SLC8A3: variants seen among roughly 807,000 people sequenced by gnomAD.
SLC8A3 encodes the protein solute carrier family 8 member A3.
A neutral mutation model predicts 65.4 loss-of-function variants in SLC8A3; 37 were observed. The observed-to-expected ratio is 0.57, with a 90% CI of 0.44 to 0.74. The LOEUF (loss-of-function observed/expected upper bound fraction) is 0.74, where lower values mean the gene tolerates loss of function less well. Ranked by LOEUF, SLC8A3 falls within the 30% of genes least tolerant of loss-of-function variation. SLC8A3 has a pLI of 0.00. For synonymous variants in SLC8A3, 461 were observed against 444.5 expected, an observed-to-expected ratio of 1.04 and a Z score of -0.47; for missense variants, 1,112 against 1,172.1, an observed-to-expected ratio of 0.95 and a Z score of 0.75.
At chr14:70,063,818 T>C in intron 2 of SLC8A3, 1 of 1,536,136 alleles carries the variant, frequency 6.5e-7, no homozygotes, top group South Asian at 1.1e-5. Context: ...GACAGGGTAC[T>C]ACACCTTTCT....
At chr14:70,098,426 T>C (rs1892336203) in intron 2 of SLC8A3, among the ~76,000 whole-genome samples, 1 of 152,092 alleles carries the variant, frequency 6.6e-6, no homozygotes, top group African/African-American at 2.4e-5. Flanking sequence ...CTGAGCAAGA[T>C]GCAGATTTAA....
At chr14:70,078,922 C>T (rs567193558) in intron 2 of SLC8A3, among the ~76,000 whole-genome samples, 2 of 152,296 alleles carry the variant, frequency 1.3e-5, no homozygotes, top group East Asian at 1.9e-4. Flanking sequence ...TGAAAGTGGG[C>T]ATCACCTTTA....
At chr14:70,142,508 G>A (rs1452362600) in intron 2 of SLC8A3, among the ~76,000 whole-genome samples, 1 of 152,158 alleles carries the variant, frequency 6.6e-6, no homozygotes, top group Non-Finnish European at 1.5e-5. Context: ...CTGCATTCTT[G>A]GTCCCACTAA....
chr14:70,154,032 G>A (rs1896430660), intron 2 of SLC8A3, among the ~76,000 whole-genome samples: 2 of 152,216 alleles, frequency 1.3e-5, no homozygotes. Context: ...AGTCAAGGAT[G>A]GTGAATCCAG....
chr14:70,173,490 A>T (rs140061278), intron 1 of SLC8A3, among the ~76,000 whole-genome samples: 5 of 152,142 alleles, frequency 3.3e-5, no homozygotes, highest in African/African-American at 1.2e-4. Context: ...TGGCAAATTT[A>T]ATTAAAGTCA....
chr14:70,172,747 T>C (rs181153838), intron 1 of SLC8A3, among the ~76,000 whole-genome samples: 3,523 of 151,274 alleles, frequency 0.023, 118 homozygotes, highest in South Asian at 0.13. Context: ...AGTATACAGA[T>C]GTACAAATAA....
chr14:70,056,232 G>C (rs1888100121), intron 3 of SLC8A3, among the ~76,000 whole-genome samples: 1 of 152,188 alleles, frequency 6.6e-6, no homozygotes, highest in Admixed American at 6.5e-5. Flanking sequence ...CCCTGCCAGA[G>C]TAGCTAACTT....
chr14:70,100,485 A>G (rs1892487108), intron 2 of SLC8A3, among the ~76,000 whole-genome samples: 1 of 152,194 alleles, frequency 6.6e-6, no homozygotes, highest in African/African-American at 2.4e-5. Context: ...TTTAAGATGC[A>G]TTTTTGCAAT....
chr14:70,159,703 G>A (rs1440476539), intron 2 of SLC8A3, among the ~76,000 whole-genome samples: 1 of 152,248 alleles, frequency 6.6e-6, no homozygotes, highest in East Asian at 1.9e-4. Flanking sequence ...AGAGTCCAGA[G>A]AAAGTAAGCT....
intron 1 of SLC8A3, among the ~76,000 whole-genome samples, chr14:70,173,234 G>T (rs1897661874): frequency 6.6e-6 from 1 of 152,204 alleles, no homozygotes; most frequent in Non-Finnish European, 1.5e-5. Context: ...CAAGACAGGA[G>T]CAGGAAGGTC....
chr14:70,128,960 T>C (rs1894654737), intron 2 of SLC8A3, among the ~76,000 whole-genome samples: 1 of 152,228 alleles, frequency 6.6e-6, no homozygotes, highest in Non-Finnish European at 1.5e-5. Context: ...ATGATAGCTG[T>C]TGTGGTGATA....
intron 1 of SLC8A3, among the ~76,000 whole-genome samples, chr14:70,176,244 C>T (rs549084464): frequency 6.6e-6 from 1 of 152,282 alleles, no homozygotes; most frequent in East Asian, 1.9e-4. Flanking sequence ...GGGCTTAGCT[C>T]AGCTTAATTT....
chr14:70,175,033 G>C (rs890007331), intron 1 of SLC8A3, among the ~76,000 whole-genome samples: 1 of 152,046 alleles, frequency 6.6e-6, no homozygotes, highest in Non-Finnish European at 1.5e-5. Context: ...AAGTCTCTCA[G>C]ACCTTTAATG....
chr14:70,165,353 A>C (rs17107902), intron 2 of SLC8A3, among the ~76,000 whole-genome samples: 1 of 151,754 alleles, frequency 6.6e-6, no homozygotes, highest in Non-Finnish European at 1.5e-5. Context: ...CTCCTAGGAC[A>C]CCTCTCCCTA....
At chr14:70,112,564 T>C (rs1893382090) in intron 2 of SLC8A3, among the ~76,000 whole-genome samples, 1 of 152,166 alleles carries the variant, frequency 6.6e-6, no homozygotes. Flanking sequence ...CGAGCCAAGG[T>C]TGAGGGCTTC....
At position 70,070,731 on chromosome 14, in the gene SLC8A3, A is replaced by C. The variant is rs76373654; in HGVS notation, c.1785-9792T>G. On this transcript the variant is annotated intron_variant, in intron 2 of 6. Coordinates refer to ENST00000356921, the MANE Select transcript of SLC8A3 (RefSeq NM_182932.3). ...GGTATTAAAAAATAGGATGATGTCC[A>C]TGCATAAAAAAGGCCATGGAGAGGA... Among the ~76,000 whole-genome samples, 526 of 152,292 alleles carry C rather than the reference A, an allele frequency of 3.5e-3. 2 individuals carry two copies. Among genetic ancestry groups the C allele is most frequent in the Non-Finnish European group, 6.0e-3 (410 of 68,014 alleles).
At chr14:70,169,807 A>G (rs1897398649) in intron 1 of SLC8A3, among the ~76,000 whole-genome samples, 1 of 151,806 alleles carries the variant, frequency 6.6e-6, no homozygotes, top group Non-Finnish European at 1.5e-5. Context: ...TTCATCCCCC[A>G]TATTTGCTCC....
Position 70,135,676 on chromosome 14 carries a change from TGA to T in SLC8A3, c.1784+30961_1784+30962del, listed in dbSNP as rs571786046. ...AACACTGCATAGTCTCACTCATATA[TGA>T]GAGCTATAAAAAAAAAAAGTTGATT... On this transcript the variant is annotated intron_variant, in intron 2 of 6. Transcript: ENST00000356921. 4.7e-5 allele frequency among the ~76,000 whole-genome samples: 7 copies of T among 148,242 alleles called. No homozygotes were observed. In the East Asian group the frequency reaches 1.4e-3, roughly 31 times the overall value.
intron 2 of SLC8A3, among the ~76,000 whole-genome samples, chr14:70,090,413 C>T (rs1891726866): frequency 6.6e-6 from 1 of 152,210 alleles, no homozygotes; most frequent in East Asian, 1.9e-4. Flanking sequence ...TGCCCGTTCA[C>T]AGATAAAAGA....
Sources: allele counts gnomAD v4.1 joint callset (sites outside exome capture counted in the v4.1 genomes callset), GRCh38; gene constraint gnomAD v4.1.1; transcripts MANE v1.5; gene names NCBI Gene and HGNC (gene_info 2026-07-23, HGNC 2026-07-21).